The following AP3B1 variants were observed in gnomAD, a reference collection of about 807,000 sequenced individuals.
AP3B1 encodes the protein adaptor related protein complex 3 subunit beta 1, also known as AP-3 complex subunit beta-1.
AP3B1 carries 61 observed loss-of-function variants against 132.5 expected under a neutral mutation model. The ratio of observed to expected loss-of-function variants is 0.46; its 90% CI spans 0.37 to 0.57. AP3B1 has a LOEUF of 0.57. AP3B1 is among the 20% of genes least tolerant of loss of function. AP3B1 has a pLI of 0.00. For synonymous variants in AP3B1, 388 were observed against 438.3 expected, an observed-to-expected ratio of 0.89 and a Z score of 1.43; for missense variants, 1,120 against 1,289.4, an observed-to-expected ratio of 0.87 and a Z score of 2.01.
chr5:78,272,855 T>C lies in AP3B1; in HGVS notation c.129-5260A>G, dbSNP rs182664375. Among the ~76,000 whole-genome samples the C allele has an allele frequency of 3.5e-3, 527 of 152,316 alleles. 3 individuals carry two copies. Among genetic ancestry groups the C allele is most frequent in the Middle Eastern group, 0.017 (5 of 294 alleles). On this transcript the variant is annotated intron_variant, in intron 1 of 26. Coordinates refer to ENST00000255194, the MANE Select transcript of AP3B1 (RefSeq NM_003664.5). ...TGTTAACTCTGAATAAATAAAGAAC[T>C]GCAGGTTTTGAACACAGGAGAGTCA...
chr5:78,195,237 C>CA (rs1201469793), intron 7 of AP3B1, among the ~76,000 whole-genome samples: 12 of 152,110 alleles, frequency 7.9e-5, no homozygotes, highest in Non-Finnish European at 5.9e-5. Context: ...AAAACGAGAG[C>CA]AGCCATGAGC....
intron 7 of AP3B1, among the ~76,000 whole-genome samples, chr5:78,193,770 A>ATATAT: frequency 3.6e-4 from 24 of 67,216 alleles, no homozygotes; most frequent in African/African-American, 5.7e-4. Context: ...ATATATATAT[A>ATATAT]TTTTTTTTTT....
intron 1 of AP3B1, among the ~76,000 whole-genome samples, chr5:78,284,596 G>A (rs1300056829): frequency 6.6e-6 from 1 of 152,112 alleles, no homozygotes; most frequent in Non-Finnish European, 1.5e-5. Context: ...TATTATAAAA[G>A]CATATAGCTT....
chr5:78,068,288 A>T (rs958832892), intron 22 of AP3B1, among the ~76,000 whole-genome samples: 2 of 152,122 alleles, frequency 1.3e-5, no homozygotes, highest in African/African-American at 2.4e-5. Context: ...ATGCCATTGC[A>T]CTCCAGCCTG....
chr5:78,033,001 T>C (rs543325923), intron 24 of AP3B1, among the ~76,000 whole-genome samples: 2 of 152,208 alleles, frequency 1.3e-5, no homozygotes, highest in East Asian at 3.9e-4. Context: ...AGGAAGTCTT[T>C]GTAAATAAAA....
intron 20 of AP3B1, among the ~76,000 whole-genome samples, chr5:78,108,992 T>C (rs1580355738): frequency 6.6e-6 from 1 of 152,194 alleles, no homozygotes. Flanking sequence ...TTGTATTTAC[T>C]GTCGATTTGT....
intron 1 of AP3B1, among the ~76,000 whole-genome samples, chr5:78,282,534 C>A (rs903668480): frequency 1.3e-5 from 2 of 151,918 alleles, no homozygotes. Flanking sequence ...TAAGCTGGTG[C>A]AAAAGTAACT....
chr5:78,015,803 TA>T (rs903589052), intron 25 of AP3B1: 2 of 431,322 alleles, frequency 4.6e-6, no homozygotes, highest in East Asian at 4.8e-5. Flanking sequence ...TATGATAGGA[TA>T]AAAACTTAGA....
intron 22 of AP3B1, 52 bp from the exon 23 acceptor site, chr5:78,039,326 C>T: frequency 7.1e-7 from 1 of 1,402,738 alleles, no homozygotes; most frequent in Non-Finnish European, 1.0e-6. Context: ...TATAATTATT[C>T]TTTTAGAAAA....
intron 22 of AP3B1, among the ~76,000 whole-genome samples, chr5:78,072,746 G>A (rs1210318633): frequency 9.6e-6 from 1 of 104,066 alleles, no homozygotes; most frequent in Non-Finnish European, 1.8e-5. Flanking sequence ...TTTTGAGATG[G>A]AGTCCCACTG....
rs76192478 is a variant in AP3B1 at position 78,060,497 on chromosome 5, A to G, written c.2578-21223T>C. 8.7e-3 allele frequency among the ~76,000 whole-genome samples: 1,325 copies of G among 152,308 alleles called. 19 individuals are homozygous for G. Among genetic ancestry groups the G allele is most frequent in the African/African-American group, 0.03 (1,259 of 41,562 alleles). The stretch of plus-strand genomic sequence containing the variant: ...CATGCACATTATAATTCAAGAATAT[A>G]TTACAAATATAAAAGAATGTTTTCT... On this transcript the variant is annotated intron_variant, in intron 22 of 26. Coordinates refer to ENST00000255194, the MANE Select transcript of AP3B1 (RefSeq NM_003664.5).
intron 3 of AP3B1, among the ~76,000 whole-genome samples, chr5:78,234,259 T>C (rs1397071804): frequency 1.3e-5 from 2 of 152,144 alleles, no homozygotes; most frequent in African/African-American, 2.4e-5. Flanking sequence ...AAAATACACA[T>C]ATTTGTGAAA....
intron 22 of AP3B1, among the ~76,000 whole-genome samples, chr5:78,044,423 T>C (rs1440797143): frequency 1.3e-5 from 2 of 152,238 alleles, no homozygotes; most frequent in Admixed American, 6.5e-5. Flanking sequence ...CTTACTTTTA[T>C]TCTACATTGT....
chr5:78,270,675 A>G (rs2112566829), intron 1 of AP3B1, among the ~76,000 whole-genome samples: 1 of 152,320 alleles, frequency 6.6e-6, no homozygotes, highest in East Asian at 1.9e-4. Context: ...ACCATTTCCC[A>G]GTGCTATGTA....
chr5:78,096,992 G>A (rs1488794841), intron 21 of AP3B1, among the ~76,000 whole-genome samples: 25 of 131,464 alleles, frequency 1.9e-4, no homozygotes, highest in East Asian at 2.4e-4. Context: ...CCGGCCAGCC[G>A]CCCTGTCCGG....
chr5:78,153,111 T>C (rs913386144), intron 14 of AP3B1, among the ~76,000 whole-genome samples: 6 of 152,224 alleles, frequency 3.9e-5, no homozygotes, highest in Non-Finnish European at 7.4e-5. Context: ...GTCTGGAAGA[T>C]CTGTCCAATG....
At chr5:78,259,185 T>A (rs1021395688) in intron 2 of AP3B1, among the ~76,000 whole-genome samples, 1 of 151,340 alleles carries the variant, frequency 6.6e-6, no homozygotes, top group African/African-American at 2.4e-5. Context: ...GAGGTGGAGC[T>A]TGCAGTGAGC....
At position 78,110,370 on chromosome 5, in the gene AP3B1, A is replaced by T; in HGVS notation, c.2250-16T>A. 1 of 1,589,482 alleles carries T rather than the reference A, an allele frequency of 6.3e-7. No homozygotes were observed. Among genetic ancestry groups the T allele is most frequent in the African/African-American group, 1.3e-5 (1 of 74,294 alleles). On this transcript the variant is annotated splice_polypyrimidine_tract_variant and intron_variant, in intron 19 of 26. Transcript: ENST00000255194. ...TTCAGAATCACTACACATAATAGTA[A>T]ATTTTGAAATATGAACTTTAACTCC...
chr5:78,287,409 G>A (rs1383817350), intron 1 of AP3B1, among the ~76,000 whole-genome samples: 2 of 152,094 alleles, frequency 1.3e-5, no homozygotes, highest in African/African-American at 4.8e-5. Flanking sequence ...TTTATAATCT[G>A]TTGGAAAGTA....
Sources: allele counts gnomAD v4.1 joint callset (sites outside exome capture counted in the v4.1 genomes callset), GRCh38; gene constraint gnomAD v4.1.1; transcripts MANE v1.5; gene names NCBI Gene and HGNC (gene_info 2026-07-23, HGNC 2026-07-21).